CCAR1: variants seen among roughly 807,000 people sequenced by gnomAD.
CCAR1 encodes cell division cycle and apoptosis regulator protein 1.
In CCAR1, 78 loss-of-function variants were observed where a neutral mutation model predicts 163.8. The observed-to-expected ratio is 0.48, with a 90% CI of 0.40 to 0.57. CCAR1 has a LOEUF of 0.57. CCAR1 is among the 20% of genes least tolerant of loss of function. The pLI is 0.00. For synonymous variants in CCAR1, 443 were observed against 460.7 expected, an observed-to-expected ratio of 0.96 and a Z score of 0.49; for missense variants, 1,019 against 1,365.2, an observed-to-expected ratio of 0.75 and a Z score of 4.00.
At chr10:68,755,180 A>G (rs2056383301) in intron 12 of CCAR1, 190 bp from the exon 13 acceptor site, 1 of 755,882 alleles carries the variant, frequency 1.3e-6, no homozygotes. Flanking sequence ...ATGAGTTATG[A>G]TGTGTGTAAA....
intron 10 of CCAR1, 27 bp downstream of exon 10, chr10:68,749,712 C>G: frequency 1.3e-6 from 2 of 1,553,114 alleles, no homozygotes; most frequent in Non-Finnish European, 1.8e-6. Context: ...CCATTGTTTT[C>G]TTGAGTTACT....
chr10:68,721,560 C>T (rs1448625498), intron 1 of CCAR1: 4 of 449,466 alleles, frequency 8.9e-6, no homozygotes, highest in South Asian at 3.1e-5. Context: ...AGTCCGCCGC[C>T]CCATTGCTCC....
At chr10:68,723,705 G>T (rs995942639) in intron 2 of CCAR1, among the ~76,000 whole-genome samples, 1 of 151,466 alleles carries the variant, frequency 6.6e-6, no homozygotes, top group African/African-American at 2.4e-5. Flanking sequence ...AAAATTAGTC[G>T]GGCATGGTGG....
chr10:68,767,025 T>G (rs1473977675), intron 17 of CCAR1, among the ~76,000 whole-genome samples: 1 of 152,206 alleles, frequency 6.6e-6, no homozygotes, highest in Non-Finnish European at 1.5e-5. Flanking sequence ...AAATTTTTAA[T>G]CAAGTCCAGT....
intron 13 of CCAR1, 69 bp downstream of exon 13, chr10:68,755,605 A>G: frequency 7.4e-7 from 1 of 1,356,190 alleles, no homozygotes; most frequent in Admixed American, 2.1e-5. Context: ...CTTATCGATC[A>G]GCCTTTTCCC....
intron 18 of CCAR1, among the ~76,000 whole-genome samples, chr10:68,772,171 A>C (rs1184242586): frequency 6.6e-6 from 1 of 152,032 alleles, no homozygotes; most frequent in Non-Finnish European, 1.5e-5. Context: ...GAGCCACCGC[A>C]CCCAGCCTAA....
At chr10:68,722,380 T>C in intron 1 of CCAR1, 75 bp from the exon 2 acceptor site, 1 of 799,148 alleles carries the variant, frequency 1.3e-6, no homozygotes. Flanking sequence ...ATTAAACATT[T>C]CTTTCTATTG....
At chr10:68,729,908 A>G (rs555736379) in intron 2 of CCAR1, among the ~76,000 whole-genome samples, 84 of 126,742 alleles carry the variant, frequency 6.6e-4, no homozygotes, top group African/African-American at 2.5e-3. Context: ...TCATTATTTC[A>G]GAAAGATGAC....
In CCAR1 at chr10:68,751,016, CTTTTTTTTTTGTTTTTGT is replaced by C. The variant is rs561189260; in HGVS notation, c.1118+1343_1118+1360del. On this transcript the variant is annotated intron_variant, in intron 10 of 24. Coordinates refer to ENST00000265872, the MANE Select transcript of CCAR1 (RefSeq NM_018237.4). ...TTACTTATGGTCAAATCAGCACCTA[CTTTTTTTTTTGTTTTTGT>C]TTTTTTTTTTGAGATGGAGTTTCGC... Among the ~76,000 whole-genome samples the C allele has an allele frequency of 1.4e-3, 198 of 146,290 alleles. 2 individuals are homozygous for C. Among genetic ancestry groups the C allele is most frequent in the South Asian group, 6.3e-3 (29 of 4,628 alleles).
At chr10:68,754,920 T>A in intron 12 of CCAR1, 93 bp downstream of exon 12, 1 of 701,198 alleles carries the variant, frequency 1.4e-6, no homozygotes, top group African/African-American at 1.8e-5. Context: ...CATTTTAATA[T>A]TTGTTGATTA....
chr10:68,749,041 C>G (rs1218979969), intron 8 of CCAR1, 95 bp from the exon 9 acceptor site: 72 of 1,437,004 alleles, frequency 5.0e-5, no homozygotes, highest in Middle Eastern at 1.8e-4. Flanking sequence ...TTTAGTCACT[C>G]TCAGTTATTT....
Position 68,756,207 on chromosome 10 carries a change from G to T in CCAR1, c.1626-66G>T. The T allele has an allele frequency of 7.6e-7, 1 of 1,309,228 alleles. No homozygotes were observed. The highest frequency in any genetic ancestry group is 1.1e-6 in the Non-Finnish European group (1 of 929,294). 81.1% of individuals were successfully genotyped at this position (1,309,228 alleles called of 1,614,324 possible). On this transcript the variant is annotated intron_variant, in intron 13 of 24. Transcript: ENST00000265872. This position sits in a 1 kb window ranked among gnomAD's most constrained non-coding sequence, Gnocchi z 5.1. ...AATTTCTTTACTTGATGTGCTACAA[G>T]TGAACTAGGGTCTTTAAAATGTATT... is the stretch of plus-strand genomic sequence containing the variant.
chr10:68,784,179 T>C (rs1043071039), intron 19 of CCAR1, among the ~76,000 whole-genome samples: 1 of 152,086 alleles, frequency 6.6e-6, no homozygotes, highest in African/African-American at 2.4e-5. Flanking sequence ...TAAACTTAAT[T>C]AAGCAGTGGC....
chr10:68,751,947 T>C (rs1199687486), intron 10 of CCAR1, among the ~76,000 whole-genome samples: 2 of 148,506 alleles, frequency 1.3e-5, no homozygotes, highest in African/African-American at 2.5e-5. Context: ...GATGGAGTCT[T>C]GCTCTGTCGC....
Position 68,791,448 on chromosome 10 carries a change from C to T in CCAR1, c.*182C>T, listed in dbSNP as rs1436045159. On this transcript the variant is annotated 3_prime_UTR_variant, in exon 25 of 25. Transcript: ENST00000265872. ...TTTGAAAATTGCTTGTAATTCCTAG[C>T]CTTCAAATTATTAAACACTCCTTGA... The T allele has an allele frequency of 6.9e-6, 3 of 436,854 alleles. No individual in the cohort carries two copies. Among genetic ancestry groups the T allele is most frequent in the Non-Finnish European group, 1.2e-5 (3 of 240,882 alleles). 27.1% of individuals were successfully genotyped at this position (436,854 alleles called of 1,614,324 possible).
chr10:68,725,406 T>A (rs923215243), intron 2 of CCAR1, among the ~76,000 whole-genome samples: 2 of 145,592 alleles, frequency 1.4e-5, no homozygotes, highest in Non-Finnish European at 3.1e-5. Context: ...TCAAAAAAAA[T>A]AAATAAAAAT....
chr10:68,731,657 A>T (rs941927351), intron 2 of CCAR1, among the ~76,000 whole-genome samples: 1 of 142,810 alleles, frequency 7.0e-6, no homozygotes, highest in Non-Finnish European at 1.5e-5. Flanking sequence ...GTGCAGTGAC[A>T]CAATCTCGGC....
chr10:68,728,371 G>C (rs1265252006), intron 2 of CCAR1, among the ~76,000 whole-genome samples: 2 of 148,244 alleles, frequency 1.3e-5, no homozygotes, highest in African/African-American at 2.5e-5. Flanking sequence ...TTTTTTTTCC[G>C]TTGTTTTTGT....
At chr10:68,732,409 G>A (rs1428044030) in intron 2 of CCAR1, among the ~76,000 whole-genome samples, 1 of 152,012 alleles carries the variant, frequency 6.6e-6, no homozygotes, top group Non-Finnish European at 1.5e-5. Flanking sequence ...TAGTGCAGTG[G>A]CGCCATCTCA....
Sources: allele counts gnomAD v4.1 joint callset (sites outside exome capture counted in the v4.1 genomes callset), GRCh38; gene constraint gnomAD v4.1.1; non-coding constraint Gnocchi (gnomAD v3.1); transcripts MANE v1.5; gene names NCBI Gene and HGNC (gene_info 2026-07-23, HGNC 2026-07-21).